Variants in TBC1D4 observed in about 807,000 individuals in gnomAD.
TBC1D4 encodes TBC1 domain family member 4.
Under a neutral mutation model 142.5 loss-of-function variants are expected in TBC1D4, and 121 were observed. That is an observed-to-expected ratio of 0.85 (90% CI 0.73 to 0.99). The LOEUF is 0.99. Among genes scored for constraint, TBC1D4 ranks in the 50% least tolerant of loss-of-function variants. The probability of loss-of-function intolerance (pLI) is 0.00; values close to 1 mark genes in which losing one functional copy is unlikely to be tolerated. For missense variants in TBC1D4, 1,475 were observed against 1,606.6 expected (o/e 0.92, Z 1.40); for synonymous variants, 630 against 628.2 (o/e 1.00, Z -0.04).
intron 1 of TBC1D4, among the ~76,000 whole-genome samples, chr13:75,417,444 T>C (rs369093127): frequency 3.9e-5 from 6 of 152,086 alleles, no homozygotes; most frequent in East Asian, 1.9e-4. Flanking sequence ...CTGGATTTCA[T>C]CTTATCACCT....
chr13:75,459,707 A>G (rs1887882150), intron 1 of TBC1D4, among the ~76,000 whole-genome samples: 1 of 152,218 alleles, frequency 6.6e-6, no homozygotes, highest in African/African-American at 2.4e-5. Context: ...TCCAAACACA[A>G]TATGAACCTT....
intron 1 of TBC1D4, among the ~76,000 whole-genome samples, chr13:75,438,329 A>G (rs1456177560): frequency 6.6e-6 from 1 of 152,240 alleles, no homozygotes; most frequent in Non-Finnish European, 1.5e-5. Flanking sequence ...AATTTTCTCT[A>G]GAAACATTTC....
chr13:75,325,999 G>A (rs190884431), intron 10 of TBC1D4, among the ~76,000 whole-genome samples, 198 bp downstream of exon 10: 21 of 152,246 alleles, frequency 1.4e-4, no homozygotes, highest in Non-Finnish European at 1.5e-5. Flanking sequence ...CCACCCAAAC[G>A]AATTAACTCT....
At chr13:75,433,978 T>G (rs907609970) in intron 1 of TBC1D4, among the ~76,000 whole-genome samples, 1 of 152,132 alleles carries the variant, frequency 6.6e-6, no homozygotes, top group Non-Finnish European at 1.5e-5. Context: ...CTCTCATCAG[T>G]CAGAATGGCT....
At chr13:75,461,871 C>T (rs1388493423) in intron 1 of TBC1D4, among the ~76,000 whole-genome samples, 1 of 152,192 alleles carries the variant, frequency 6.6e-6, no homozygotes, top group Non-Finnish European at 1.5e-5. Context: ...TACCGAGTGC[C>T]CCAACAATGT....
intron 1 of TBC1D4, among the ~76,000 whole-genome samples, chr13:75,410,911 G>T (rs1282734996): frequency 2.3e-5 from 3 of 128,720 alleles, no homozygotes; most frequent in Non-Finnish European, 4.7e-5. Flanking sequence ...ACTCCAGCCT[G>T]GGCGACAGAG....
intron 9 of TBC1D4, among the ~76,000 whole-genome samples, chr13:75,327,160 T>C (rs1879335889): frequency 6.6e-6 from 1 of 152,168 alleles, no homozygotes; most frequent in African/African-American, 2.4e-5. Context: ...ACTGTAGAAA[T>C]ATTTAGCTTG....
At chr13:75,445,280 G>T (rs997515004) in intron 1 of TBC1D4, among the ~76,000 whole-genome samples, 6 of 152,126 alleles carry the variant, frequency 3.9e-5, no homozygotes, top group Non-Finnish European at 8.8e-5. Context: ...ATAGAACAGT[G>T]CATGGAACTA....
intron 1 of TBC1D4, among the ~76,000 whole-genome samples, chr13:75,436,666 A>AG (rs1886813412): frequency 6.6e-6 from 1 of 152,022 alleles, no homozygotes; most frequent in African/African-American, 2.4e-5. Flanking sequence ...CCAAAAAAAA[A>AG]AAACAAAAAA....
chr13:75,474,954 A>G (rs1197077924), intron 1 of TBC1D4, among the ~76,000 whole-genome samples: 2 of 152,082 alleles, frequency 1.3e-5, no homozygotes, highest in Non-Finnish European at 2.9e-5. Flanking sequence ...TAACCTTTCT[A>G]TATCTCAGTT....
At chr13:75,479,733 T>C (rs1267951222) in intron 1 of TBC1D4, among the ~76,000 whole-genome samples, 1 of 152,186 alleles carries the variant, frequency 6.6e-6, no homozygotes, top group East Asian at 1.9e-4. Flanking sequence ...TCAGAAACTT[T>C]CCAATTTTAA....
At chr13:75,385,211 TC>T (rs1166868016) in intron 1 of TBC1D4, among the ~76,000 whole-genome samples, 1 of 152,026 alleles carries the variant, frequency 6.6e-6, no homozygotes, top group Non-Finnish European at 1.5e-5. Context: ...ACCCAGTGCT[TC>T]CCCCTCACAG....
chr13:75,444,992 A>T (rs908296299), intron 1 of TBC1D4, among the ~76,000 whole-genome samples: 2 of 152,110 alleles, frequency 1.3e-5, no homozygotes, highest in African/African-American at 2.4e-5. Context: ...AGCTATATTA[A>T]TCTCAATTTT....
At chr13:75,468,925 G>A (rs969175818) in intron 1 of TBC1D4, among the ~76,000 whole-genome samples, 2 of 152,198 alleles carry the variant, frequency 1.3e-5, no homozygotes, top group African/African-American at 2.4e-5. Context: ...GGTGGTGACA[G>A]TGCTCCCCGG....
At chr13:75,339,386 CT>C (rs1480564312) in intron 7 of TBC1D4, among the ~76,000 whole-genome samples, 1 of 152,118 alleles carries the variant, frequency 6.6e-6, no homozygotes, top group East Asian at 1.9e-4. Flanking sequence ...ATCTGATCTT[CT>C]CACTCCCTTA....
chr13:75,455,961 T>TAA (rs1250250184), intron 1 of TBC1D4, among the ~76,000 whole-genome samples: 1 of 151,996 alleles, frequency 6.6e-6, no homozygotes, highest in Non-Finnish European at 1.5e-5. Flanking sequence ...TGCATATATA[T>TAA]AATACATATA....
intron 1 of TBC1D4, among the ~76,000 whole-genome samples, chr13:75,409,356 G>A (rs1389898995): frequency 6.6e-6 from 1 of 151,924 alleles, no homozygotes; most frequent in African/African-American, 2.4e-5. Context: ...TTTAAATACT[G>A]TATGCTCACT....
At chr13:75,407,869 A>G (rs2138380289) in intron 1 of TBC1D4, among the ~76,000 whole-genome samples, 1 of 152,196 alleles carries the variant, frequency 6.6e-6, no homozygotes, top group East Asian at 1.9e-4. Context: ...GAGAGAAAAT[A>G]GAAAAAAAAA....
At chr13:75,411,785 G>A (rs1256479573) in intron 1 of TBC1D4, among the ~76,000 whole-genome samples, 5 of 151,702 alleles carry the variant, frequency 3.3e-5, no homozygotes, top group Non-Finnish European at 5.9e-5. Flanking sequence ...TGATCCACCC[G>A]CCTCGGCCTC....
Sources: gnomAD v4.1 joint callset for allele counts (sites outside exome capture counted in the v4.1 genomes callset) on GRCh38, gnomAD v4.1.1 for gene constraint, MANE v1.5 for transcripts, NCBI Gene and HGNC (gene_info 2026-07-23, HGNC 2026-07-21) for gene names.